Variants in PRRC1 observed in about 807,000 individuals in gnomAD.
PRRC1 encodes the protein proline rich coiled-coil 1.
A neutral mutation model predicts 40.7 loss-of-function variants in PRRC1; 39 were observed. The ratio of observed to expected loss-of-function variants is 0.96; its 90% CI spans 0.74 to 1.25. PRRC1 has a LOEUF of 1.25. Ranked by LOEUF, PRRC1 falls within the 50% of genes most tolerant of loss-of-function variation. PRRC1 has a pLI of 0.00. For missense variants in PRRC1, 573 were observed against 548.3 expected (o/e 1.05, Z -0.45); for synonymous variants, 175 against 193.3 (o/e 0.91, Z 0.79).
Position 127,554,189 on chromosome 5 carries a change from C to A in PRRC1, c.*2273C>A, listed in dbSNP as rs1003044887. 4 of 225,044 alleles carry A rather than the reference C, an allele frequency of 1.8e-5. No individual in the cohort carries two copies. The highest frequency in any genetic ancestry group is 3.5e-5 in the Non-Finnish European group (4 of 115,908). 13.9% of individuals were successfully genotyped at this position (225,044 alleles called of 1,614,324 possible). A position where few individuals can be genotyped will look rare whatever the true frequency, so the allele number is the denominator to read the frequency against. ...GGCATAAGATATGCTGATCATCAGT[C>A]TCAGGCCACAGTTTCCTTCACTAAT... On this transcript the variant is annotated 3_prime_UTR_variant, in exon 9 of 9. Coordinates refer to ENST00000296666, the MANE Select transcript of PRRC1 (RefSeq NM_130809.5).
At chr5:127,530,211 T>G in intron 4 of PRRC1, 83 bp from the exon 5 acceptor site, 1 of 1,244,010 alleles carries the variant, frequency 8.0e-7, no homozygotes, top group Non-Finnish European at 1.1e-6. Flanking sequence ...TGGAAACTTT[T>G]AAAAAAGTTT....
At chr5:127,528,537 G>A (rs758452757) in intron 4 of PRRC1, among the ~76,000 whole-genome samples, 3 of 151,960 alleles carry the variant, frequency 2.0e-5, no homozygotes, top group Non-Finnish European at 4.4e-5. Flanking sequence ...GGCTGGTCTC[G>A]AACTCCTGAC....
chr5:127,543,072 T>A (rs1171676389), intron 7 of PRRC1, among the ~76,000 whole-genome samples: 1 of 150,696 alleles, frequency 6.6e-6, no homozygotes, highest in Non-Finnish European at 1.5e-5. Context: ...GGCCTGGTGG[T>A]GACAAAATCT....
intron 7 of PRRC1, among the ~76,000 whole-genome samples, chr5:127,545,508 T>A (rs534214103): frequency 3.9e-4 from 59 of 151,782 alleles, no homozygotes; most frequent in African/African-American, 1.4e-3. Context: ...AAATTGGAAA[T>A]CATCATTCTC....
At chr5:127,522,496 T>A (rs1359377968) in intron 1 of PRRC1, among the ~76,000 whole-genome samples, 17 of 152,122 alleles carry the variant, frequency 1.1e-4, no homozygotes, top group African/African-American at 4.1e-4. Flanking sequence ...GATCAGGTGA[T>A]CCTCTCACCT....
chr5:127,538,953 TG>T lies in PRRC1; in HGVS notation c.922-86del, dbSNP rs1333159637. Reference sequence around the variant, plus strand: ...GTATATATATGTGTTTGCATATAAATGTATGCATGTATTGTGTAATCATAAA... The same window carrying T: ...GTATATATATGTGTTTGCATATAAATTATGCATGTATTGTGTAATCATAAA... On this transcript the variant is annotated intron_variant, in intron 6 of 8. Transcript: ENST00000296666. The T allele has an allele frequency of 3.5e-6, 3 of 866,472 alleles. No individual in the cohort carries two copies. In the African/African-American group the frequency reaches 5.1e-5, roughly 15 times the overall value. The allele number at this position is 866,472 out of a possible 1,614,324, so 53.7% of individuals were successfully genotyped here.
At chr5:127,547,118 T>C (rs981654576) in intron 7 of PRRC1, among the ~76,000 whole-genome samples, 10 of 152,170 alleles carry the variant, frequency 6.6e-5, no homozygotes, top group Non-Finnish European at 1.3e-4. Flanking sequence ...TTTTATTGTT[T>C]AAATTCATTT....
intron 6 of PRRC1, among the ~76,000 whole-genome samples, chr5:127,536,426 A>G (rs958860714): frequency 6.6e-6 from 1 of 152,118 alleles, no homozygotes; most frequent in African/African-American, 2.4e-5. Context: ...AAACTGGAAC[A>G]AGTCACATAC....
intron 6 of PRRC1, among the ~76,000 whole-genome samples, chr5:127,537,857 CTG>C (rs1184943853): frequency 4.6e-5 from 7 of 151,954 alleles, no homozygotes; most frequent in Admixed American, 1.3e-4. Context: ...TTCATCTTAT[CTG>C]TTAATACTGC....
chr5:127,554,017 T>C lies in PRRC1; in HGVS notation c.*2101T>C. 9.8e-7 allele frequency: 1 copy of C among 1,021,544 alleles called. No homozygotes were observed. Among genetic ancestry groups the C allele is most frequent in the Non-Finnish European group, 1.4e-6 (1 of 726,358 alleles). 63.3% of individuals were successfully genotyped at this position (1,021,544 alleles called of 1,614,324 possible). A position where few individuals can be genotyped will look rare whatever the true frequency, so the allele number is the denominator to read the frequency against. On this transcript the variant is annotated 3_prime_UTR_variant, in exon 9 of 9. Coordinates refer to ENST00000296666, the MANE Select transcript of PRRC1 (RefSeq NM_130809.5). ...AGAGTTTTTGAAAAGCAGCGGAGCA[T>C]GACTGACTTCACATGCTCAGCTTTC... is the stretch of plus-strand genomic sequence containing the variant.
intron 7 of PRRC1, among the ~76,000 whole-genome samples, chr5:127,543,903 C>G (rs1487138250): frequency 6.6e-6 from 1 of 152,192 alleles, no homozygotes; most frequent in African/African-American, 2.4e-5. Flanking sequence ...CAGCTTTGTT[C>G]CGTTGCTGGT....
chr5:127,552,068 A>G lies in PRRC1; in HGVS notation c.*152A>G, dbSNP rs557186225. ...GCAATTTTTCTTTCTCTAGAAAGGC[A>G]TCATGTCATTCCAGGAGACAAAAAG... On this transcript the variant is annotated 3_prime_UTR_variant, in exon 9 of 9. Transcript: ENST00000296666. The G allele has an allele frequency of 3.3e-3, 4,746 of 1,440,284 alleles. 13 individuals carry two copies. The highest frequency in any genetic ancestry group is 3.8e-3 in the Non-Finnish European group (4,134 of 1,098,342). 89.2% of individuals were successfully genotyped at this position (1,440,284 alleles called of 1,614,324 possible). A position where few individuals can be genotyped will look rare whatever the true frequency, so the allele number is the denominator to read the frequency against.
chr5:127,547,978 T>G, intron 8 of PRRC1, 57 bp downstream of exon 8: 2 of 1,122,238 alleles, frequency 1.8e-6, no homozygotes, highest in Non-Finnish European at 2.7e-6. Flanking sequence ...ACTATTGTTT[T>G]CAGAATAAAA....
intron 7 of PRRC1, among the ~76,000 whole-genome samples, chr5:127,545,956 T>C (rs1450444348): frequency 6.6e-6 from 1 of 151,948 alleles, no homozygotes; most frequent in African/African-American, 2.4e-5. Context: ...TTTTGTGGAT[T>C]CGCTGAGCTT....
intron 6 of PRRC1, among the ~76,000 whole-genome samples, chr5:127,537,663 T>G (rs1767933513): frequency 6.6e-6 from 1 of 151,982 alleles, no homozygotes; most frequent in South Asian, 2.1e-4. Flanking sequence ...TTTGTTGTAG[T>G]GCATAGCTGA....
At chr5:127,544,774 T>G (rs184938) in intron 7 of PRRC1, among the ~76,000 whole-genome samples, 67,081 of 151,932 alleles carry the variant, frequency 0.44, 16,115 homozygotes, top group African/African-American at 0.62. Context: ...TTTTCCAGGT[T>G]CCGTCTGTCA....
Position 127,540,369 on chromosome 5 carries a change from C to T in PRRC1, c.1025+1226C>T, listed in dbSNP as rs533708318. On this transcript the variant is annotated intron_variant, in intron 7 of 8. Coordinates refer to ENST00000296666, the MANE Select transcript of PRRC1 (RefSeq NM_130809.5). The stretch of plus-strand genomic sequence containing the variant: ...CTATTCACTCCCTTTTCACCTTTTG[C>T]GGTATCATTGTTAAGTATTTTAATT... Among the ~76,000 whole-genome samples the T allele has an allele frequency of 7.9e-5, 12 of 152,056 alleles. No homozygotes were observed. The East Asian group carries it at 1.7e-3, about 22-fold the overall frequency.
chr5:127,521,054 C>T (rs1274154433), intron 1 of PRRC1, among the ~76,000 whole-genome samples: 2 of 152,102 alleles, frequency 1.3e-5, no homozygotes, highest in African/African-American at 2.4e-5. Context: ...ATAAATTTCT[C>T]TTCATAGATT....
intron 4 of PRRC1, 139 bp from the exon 5 acceptor site, chr5:127,530,155 T>G: frequency 6.4e-6 from 4 of 629,708 alleles, no homozygotes; most frequent in African/African-American, 1.8e-5. Context: ...AATTTGATAT[T>G]GTCATGACCT....
Sources: allele counts gnomAD v4.1 joint callset (sites outside exome capture counted in the v4.1 genomes callset), GRCh38; gene constraint gnomAD v4.1.1; transcripts MANE v1.5; gene names NCBI Gene and HGNC (gene_info 2026-07-23, HGNC 2026-07-21).